AGAP1: variants seen among roughly 807,000 people sequenced by gnomAD.
AGAP1 encodes the protein arf-GAP with GTPase, ANK repeat and PH domain-containing protein 1.
A neutral mutation model predicts 105.3 loss-of-function variants in AGAP1; 29 were observed. The observed-to-expected ratio is 0.28, with a 90% confidence interval of 0.21 to 0.38. The LOEUF (loss-of-function observed/expected upper bound fraction) is 0.38. Among genes scored for constraint, AGAP1 ranks in the 10% least tolerant of loss-of-function variants. AGAP1 has a pLI of 1.00. For missense variants in AGAP1, 998 were observed against 1,165.1 expected, an observed-to-expected ratio of 0.86 and a Z score of 2.09; for synonymous variants, 509 against 485.9, an observed-to-expected ratio of 1.05 and a Z score of -0.63.
At chr2:235,794,665 T>G (rs999522362) in intron 6 of AGAP1, among the ~76,000 whole-genome samples, 1 of 152,126 alleles carries the variant, frequency 6.6e-6, no homozygotes, top group Non-Finnish European at 1.5e-5. Flanking sequence ...AGAGACGGGA[T>G]TTCACCATGT....
chr2:235,855,845 C>T lies in AGAP1; in HGVS notation c.1051-27500C>T, dbSNP rs185380074. 2.0e-5 allele frequency among the ~76,000 whole-genome samples: 3 copies of T among 152,240 alleles called. No homozygotes were observed. The East Asian group carries it at 5.8e-4, about 29-fold the overall frequency. ...TTACCCTATGAGGTCTCTAGATGCA[C>T]GGAGGCTACTGCATTCCCAGGGGGT... On this transcript the variant is annotated intron_variant, in intron 9 of 17. Coordinates refer to ENST00000304032, the MANE Select transcript of AGAP1 (RefSeq NM_001037131.3). The surrounding 1 kb of genome is among the most constrained non-coding windows in gnomAD (Gnocchi z 5.0).
At chr2:235,525,957 A>G (rs1942819915) in intron 1 of AGAP1, among the ~76,000 whole-genome samples, 1 of 81,064 alleles carries the variant, frequency 1.2e-5, no homozygotes, top group Non-Finnish European at 2.6e-5. Context: ...GAGGACTGAC[A>G]CATAATGTGG....
At chr2:235,952,625 A>C (rs2125271433) in intron 12 of AGAP1, among the ~76,000 whole-genome samples, 1 of 152,264 alleles carries the variant, frequency 6.6e-6, no homozygotes, top group Middle Eastern at 3.4e-3. Flanking sequence ...AAAACTGGAA[A>C]TATTCTGTTT....
intron 1 of AGAP1, among the ~76,000 whole-genome samples, chr2:235,509,880 A>G (rs1574718871): frequency 6.6e-6 from 1 of 152,092 alleles, no homozygotes; most frequent in Non-Finnish European, 1.5e-5. Flanking sequence ...ATCTGTATTT[A>G]CAGCCACTCC....
rs754930748 is a variant in AGAP1 at position 235,803,227 on chromosome 2, C to T, written c.957+3705C>T. The stretch of plus-strand genomic sequence containing the variant: ...GTGGTGGTGGTGGTGATGATGCATG[C>T]GGTGTAGTCTTAAGTTGAAGTTCCT... On this transcript the variant is annotated intron_variant, in intron 8 of 17. Transcript: ENST00000304032. Among the ~76,000 whole-genome samples, 201 of 151,086 alleles carry T rather than the reference C, an allele frequency of 1.3e-3. 1 individual carries two copies. Among genetic ancestry groups the T allele is most frequent in the Non-Finnish European group, 2.4e-3 (159 of 67,652 alleles).
At chr2:235,670,608 G>C in intron 1 of AGAP1, 1 of 575,818 alleles carries the variant, frequency 1.7e-6, no homozygotes, top group South Asian at 2.0e-5. Context: ...CGGACACTGG[G>C]CGGCGGAAGG....
rs185589610 is a variant in AGAP1, at chr2:235,713,995, G to T, written c.223-3562G>T. 1.5e-3 allele frequency among the ~76,000 whole-genome samples: 230 copies of T among 152,160 alleles called. 1 individual carries two copies. The highest frequency in any genetic ancestry group is 4.9e-3 in the African/African-American group (203 of 41,538). ...ATCACCTTGGGGATTAGGTTTCTTT[G>T]TTTAAAATTTTATTTATTATTTTGT... On this transcript the variant is annotated intron_variant, in intron 2 of 17. Transcript: ENST00000304032.
rs1212131481 is a variant in AGAP1 at position 235,750,032 on chromosome 2, A to C, written c.539-322A>C. On this transcript the variant is annotated intron_variant, in intron 5 of 17. Coordinates refer to ENST00000304032, the MANE Select transcript of AGAP1 (RefSeq NM_001037131.3). The surrounding 1 kb of genome is among the most constrained non-coding windows in gnomAD (Gnocchi z 5.3). ...GTGGTGCACAGAAGGGGGCCTGCAC[A>C]TAGGGACTGTGTGTGTGGTTTTTCC... Among the ~76,000 whole-genome samples, 2 of 152,132 alleles carry C rather than the reference A, an allele frequency of 1.3e-5. No individual in the cohort carries two copies. The highest frequency in any genetic ancestry group is 2.9e-5 in the Non-Finnish European group (2 of 68,030).
At chr2:235,848,725 C>G (rs1167305048) in intron 9 of AGAP1, among the ~76,000 whole-genome samples, 2 of 152,206 alleles carry the variant, frequency 1.3e-5, no homozygotes, top group Non-Finnish European at 2.9e-5. Context: ...GTCCTTTTAA[C>G]AGAAAGATCA....
intron 9 of AGAP1, among the ~76,000 whole-genome samples, chr2:235,873,094 C>T (rs2049526055): frequency 6.6e-6 from 1 of 152,204 alleles, no homozygotes; most frequent in Admixed American, 6.5e-5. Flanking sequence ...CCCCAGGGTG[C>T]TTATGCAGAG....
rs561483948 is a variant in AGAP1, at chr2:236,125,238, A to G, written c.*1116A>G. The stretch of plus-strand genomic sequence containing the variant: ...ATGTGTGAAAATATATTTGAATAAA[A>G]GAAGTTCATAAATATGCATTGATTT... On this transcript the variant is annotated 3_prime_UTR_variant, in exon 18 of 18. Coordinates refer to ENST00000304032, the MANE Select transcript of AGAP1 (RefSeq NM_001037131.3). This position sits in a 1 kb window ranked among gnomAD's most constrained non-coding sequence, Gnocchi z 5.2. The G allele has an allele frequency of 6.5e-6, 1 of 154,104 alleles. No homozygotes were observed. The highest frequency in any genetic ancestry group is 1.9e-4 in the East Asian group (1 of 5,198). The allele number at this position is 154,104 out of a possible 1,614,324, so 9.5% of individuals were successfully genotyped here. A position where few individuals can be genotyped will look rare whatever the true frequency, so the allele number is the denominator to read the frequency against.
At chr2:235,630,623 G>A (rs1946797199) in intron 1 of AGAP1, among the ~76,000 whole-genome samples, 1 of 152,222 alleles carries the variant, frequency 6.6e-6, no homozygotes, top group Non-Finnish European at 1.5e-5. Context: ...CTGGTAAGCT[G>A]TATTTGAGAA....
intron 10 of AGAP1, among the ~76,000 whole-genome samples, chr2:235,894,814 T>A (rs2050726048): frequency 6.6e-6 from 1 of 152,180 alleles, no homozygotes; most frequent in Non-Finnish European, 1.5e-5. Flanking sequence ...GGTGTGCAGG[T>A]CAAAGAACAC....
Position 235,660,391 on chromosome 2 carries a change from A to G in AGAP1, c.164-48788A>G, listed in dbSNP as rs1559321381. On this transcript the variant is annotated intron_variant, in intron 1 of 17. Coordinates refer to ENST00000304032, the MANE Select transcript of AGAP1 (RefSeq NM_001037131.3). The surrounding 1 kb of genome is among the most constrained non-coding windows in gnomAD (Gnocchi z 5.3). ...GGCATTACCTGCACTGATTAAGTCAACCATCAAGCAGCATTTATTAAGTAG... is the reference window on the plus strand; with the variant it reads ...GGCATTACCTGCACTGATTAAGTCAGCCATCAAGCAGCATTTATTAAGTAG... 6.6e-6 allele frequency among the ~76,000 whole-genome samples: 1 copy of G among 152,174 alleles called. No homozygotes were observed. The highest frequency in any genetic ancestry group is 1.9e-4 in the East Asian group (1 of 5,180).
Position 236,040,655 on chromosome 2 carries a change from G to T in AGAP1, c.1801-96G>T. The T allele has an allele frequency of 1.8e-6, 2 of 1,105,290 alleles. No individual in the cohort carries two copies. Among genetic ancestry groups the T allele is most frequent in the South Asian group, 1.4e-5 (1 of 72,360 alleles). 68.5% of individuals were successfully genotyped at this position (1,105,290 alleles called of 1,614,324 possible). Reference sequence around the variant, plus strand: ...TAGAAATTACCCTCGTCCTACATTTGCTCCCAATCTGTTTGATCTTTCCCT... The same window carrying T: ...TAGAAATTACCCTCGTCCTACATTTTCTCCCAATCTGTTTGATCTTTCCCT... On this transcript the variant is annotated intron_variant, in intron 14 of 17. Coordinates refer to ENST00000304032, the MANE Select transcript of AGAP1 (RefSeq NM_001037131.3). This position sits in a 1 kb window ranked among gnomAD's most constrained non-coding sequence, Gnocchi z 5.6.
intron 11 of AGAP1, among the ~76,000 whole-genome samples, chr2:235,925,397 C>T (rs562183368): frequency 1.3e-5 from 2 of 152,242 alleles, no homozygotes; most frequent in African/African-American, 2.4e-5. Context: ...TGTAGCAAAA[C>T]GGCTGTGTGT....
At chr2:235,796,976 T>C (rs770731145) in intron 6 of AGAP1, among the ~76,000 whole-genome samples, 19 of 152,236 alleles carry the variant, frequency 1.2e-4, no homozygotes, top group Non-Finnish European at 1.9e-4. Flanking sequence ...AGAGAAGTTA[T>C]GGCTGGTTGA....
At chr2:236,112,511 C>T (rs1186363042) in intron 16 of AGAP1, among the ~76,000 whole-genome samples, 1 of 152,194 alleles carries the variant, frequency 6.6e-6, no homozygotes, top group Non-Finnish European at 1.5e-5. Flanking sequence ...TCTCCATCCC[C>T]CGTTCCCTCC....
chr2:236,110,302 C>T (rs1394125940), intron 16 of AGAP1, among the ~76,000 whole-genome samples: 1 of 151,974 alleles, frequency 6.6e-6, no homozygotes, highest in Non-Finnish European at 1.5e-5. Context: ...TCAAGACCAA[C>T]CTGGGCAAAC....
Sources: gnomAD v4.1 joint callset for allele counts (sites outside exome capture counted in the v4.1 genomes callset) on GRCh38, gnomAD v4.1.1 for gene constraint, Gnocchi (gnomAD v3.1) non-coding constraint, MANE v1.5 for transcripts, NCBI Gene and HGNC (gene_info 2026-07-23, HGNC 2026-07-21) for gene names.